The following TTC28 variants were observed in gnomAD, a reference collection of about 807,000 sequenced individuals.
The protein encoded by TTC28 is tetratricopeptide repeat protein 28.
A neutral mutation model predicts 198.0 loss-of-function variants in TTC28; 61 were observed. The observed-to-expected ratio is 0.31, with a 90% CI of 0.25 to 0.38. TTC28 has a LOEUF of 0.38. TTC28 is among the 10% of genes least tolerant of loss of function. The probability of loss-of-function intolerance (pLI) is 1.00; values close to 1 mark genes in which losing one functional copy is unlikely to be tolerated. For missense variants in TTC28, 2,678 were observed against 3,164.0 expected, an observed-to-expected ratio of 0.85 and a Z score of 3.69; for synonymous variants, 1,171 against 1,297.8, an observed-to-expected ratio of 0.90 and a Z score of 2.10.
At chr22:28,312,986 AAG>A (rs1209207594) in intron 2 of TTC28, among the ~76,000 whole-genome samples, 1 of 152,066 alleles carries the variant, frequency 6.6e-6, no homozygotes. Flanking sequence ...AACAAGAAAA[AAG>A]AGAAGAATCA....
At chr22:28,192,604 G>T (rs1329639390) in intron 5 of TTC28, among the ~76,000 whole-genome samples, 2 of 152,158 alleles carry the variant, frequency 1.3e-5, no homozygotes, top group Non-Finnish European at 2.9e-5. Flanking sequence ...TAAATGACCT[G>T]ATGGAGCTGA....
chr22:28,259,814 T>C lies in TTC28; in HGVS notation c.933+36384A>G, dbSNP rs147650008. Among the ~76,000 whole-genome samples the C allele has an allele frequency of 3.0e-4, 45 of 152,262 alleles. No individual in the cohort carries two copies. The East Asian group carries it at 7.5e-3, about 25-fold the overall frequency. On this transcript the variant is annotated intron_variant, in intron 5 of 22. Coordinates refer to ENST00000397906, the MANE Select transcript of TTC28 (RefSeq NM_001145418.2). The stretch of plus-strand genomic sequence containing the variant: ...TGTTGTGCTGCATTTTAAAGACACT[T>C]AGATATTTGGCATTAAAAACTATGG...
chr22:28,067,825 A>C (rs1296745679), intron 12 of TTC28, among the ~76,000 whole-genome samples: 3 of 152,210 alleles, frequency 2.0e-5, no homozygotes, highest in African/African-American at 7.2e-5. Flanking sequence ...TCTTTTAAGC[A>C]GAGTTATATC....
At chr22:27,995,080 A>G (rs544175686) in intron 17 of TTC28, among the ~76,000 whole-genome samples, 1 of 152,328 alleles carries the variant, frequency 6.6e-6, no homozygotes, top group Admixed American at 6.5e-5. Context: ...CTATCCTCAG[A>G]AGTGCATGTA....
intron 2 of TTC28, among the ~76,000 whole-genome samples, chr22:28,342,970 G>A (rs2045854729): frequency 1.3e-5 from 2 of 152,046 alleles, no homozygotes; most frequent in East Asian, 1.9e-4. Context: ...TTTGCTACTA[G>A]AGAACCAACT....
chr22:28,541,155 CT>C (rs2049402822), intron 2 of TTC28, among the ~76,000 whole-genome samples: 1 of 152,184 alleles, frequency 6.6e-6, no homozygotes, highest in Non-Finnish European at 1.5e-5. Flanking sequence ...CACATCTATG[CT>C]CTGCCAAAAC....
At chr22:28,468,322 C>T (rs1227606679) in intron 2 of TTC28, among the ~76,000 whole-genome samples, 2 of 152,076 alleles carry the variant, frequency 1.3e-5, no homozygotes, top group Non-Finnish European at 2.9e-5. Flanking sequence ...CCCAGGTTTG[C>T]AATCCCAAGA....
intron 5 of TTC28, among the ~76,000 whole-genome samples, chr22:28,215,040 C>A (rs575548512): frequency 1.3e-5 from 2 of 152,248 alleles, no homozygotes; most frequent in African/African-American, 4.8e-5. Flanking sequence ...GGACAGAAAA[C>A]CAAACACCAC....
intron 5 of TTC28, among the ~76,000 whole-genome samples, chr22:28,173,314 T>C (rs1922857950): frequency 6.6e-6 from 1 of 152,114 alleles, no homozygotes; most frequent in African/African-American, 2.4e-5. Flanking sequence ...ACCCACTATC[T>C]ATGGGGAATC....
intron 1 of TTC28, among the ~76,000 whole-genome samples, chr22:28,645,463 C>T (rs1476685839): frequency 6.6e-6 from 1 of 151,684 alleles, no homozygotes; most frequent in Non-Finnish European, 1.5e-5. Context: ...CCCATCTCTA[C>T]TAAAAATACA....
intron 5 of TTC28, among the ~76,000 whole-genome samples, chr22:28,189,600 GAAA>G (rs1924539286): frequency 6.6e-6 from 1 of 151,310 alleles, no homozygotes; most frequent in Non-Finnish European, 1.5e-5. Flanking sequence ...GACCTTCTGT[GAAA>G]TTTCAGGTCA....
chr22:28,640,371 T>C (rs915656364), intron 1 of TTC28, among the ~76,000 whole-genome samples: 9 of 147,252 alleles, frequency 6.1e-5, no homozygotes, highest in Admixed American at 4.1e-4. Flanking sequence ...AGAGGTCTGA[T>C]ACACATATAA....
chr22:28,177,365 A>T (rs1450227664), intron 5 of TTC28, among the ~76,000 whole-genome samples: 1 of 152,234 alleles, frequency 6.6e-6, no homozygotes, highest in Non-Finnish European at 1.5e-5. Flanking sequence ...TCAAATGCTG[A>T]CAAGAACATG....
chr22:28,573,550 T>C, intron 2 of TTC28, among the ~76,000 whole-genome samples: 1 of 152,010 alleles, frequency 6.6e-6, no homozygotes, highest in Non-Finnish European at 1.5e-5. Context: ...GAACAGTAAT[T>C]TTTTTCAATT....
Position 28,654,741 on chromosome 22 carries a change from G to A in TTC28, c.102+24881C>T, listed in dbSNP as rs141050306. 3.3e-4 allele frequency among the ~76,000 whole-genome samples: 50 copies of A among 152,214 alleles called. No individual in the cohort carries two copies. The East Asian group carries it at 7.3e-3, about 22-fold the overall frequency. On this transcript the variant is annotated intron_variant, in intron 1 of 22. Coordinates refer to ENST00000397906, the MANE Select transcript of TTC28 (RefSeq NM_001145418.2). ...TTCGTCACTTCAACCATCTTCAGTG[G>A]ACTAGCAACTCCTTAGGTGGGAAGT...
At chr22:28,538,555 TC>T (rs531899743) in intron 2 of TTC28, among the ~76,000 whole-genome samples, 4 of 137,798 alleles carry the variant, frequency 2.9e-5, no homozygotes, top group African/African-American at 1.1e-4. Context: ...AGCACCTTTC[TC>T]TTTTTTTTTT....
chr22:28,148,046 T>C lies in TTC28; in HGVS notation c.1441+15046A>G, dbSNP rs531066890. ...CATAAATATTAGGGTTCTTCAAACCTGCACAAAAGACTTCATTTTAGTCAT... is the reference window on the plus strand; with the variant it reads ...CATAAATATTAGGGTTCTTCAAACCCGCACAAAAGACTTCATTTTAGTCAT... On this transcript the variant is annotated intron_variant, in intron 6 of 22. Transcript: ENST00000397906. Among the ~76,000 whole-genome samples, 4 of 152,314 alleles carry C rather than the reference T, an allele frequency of 2.6e-5. No individual in the cohort carries two copies. The South Asian group carries it at 6.2e-4, about 24-fold the overall frequency.
chr22:28,038,262 C>A (rs1196409369), intron 12 of TTC28, among the ~76,000 whole-genome samples: 1 of 152,194 alleles, frequency 6.6e-6, no homozygotes, highest in Non-Finnish European at 1.5e-5. Flanking sequence ...TACCTGACTT[C>A]AAACTATACT....
intron 2 of TTC28, among the ~76,000 whole-genome samples, chr22:28,531,602 A>G (rs1241515669): frequency 1.3e-5 from 2 of 152,236 alleles, no homozygotes; most frequent in Admixed American, 6.5e-5. Context: ...TCAACAGAAT[A>G]TACATTCTTC....
Sources: gnomAD v4.1 joint callset for allele counts (sites outside exome capture counted in the v4.1 genomes callset) on GRCh38, gnomAD v4.1.1 for gene constraint, MANE v1.5 for transcripts, NCBI Gene and HGNC (gene_info 2026-07-23, HGNC 2026-07-21) for gene names.